Variants in ESRRG observed in about 807,000 individuals in gnomAD.
The protein encoded by ESRRG is estrogen-related receptor gamma.
In ESRRG, 13 loss-of-function variants were observed where a neutral mutation model predicts 44.0. That is an observed-to-expected ratio of 0.30 (90% CI 0.19 to 0.47). The LOEUF is 0.47. Ranked by LOEUF, ESRRG falls within the 20% of genes least tolerant of loss-of-function variation. The pLI, the probability that ESRRG is intolerant of heterozygous loss-of-function variation, is 1.00. For missense variants in ESRRG, 395 were observed against 580.6 expected (o/e 0.68, Z 3.29); for synonymous variants, 215 against 214.6 (o/e 1.00, Z -0.02).
intron 2 of ESRRG, among the ~76,000 whole-genome samples, chr1:216,812,924 G>A (rs2095022214): frequency 6.6e-6 from 1 of 152,200 alleles, no homozygotes; most frequent in Admixed American, 6.5e-5. Flanking sequence ...AATGAGGACA[G>A]AAGGGGTTCC....
upstream of ESRRG, among the ~76,000 whole-genome samples, chr1:216,725,812 G>A (rs1016545312): frequency 2.6e-5 from 4 of 152,060 alleles, no homozygotes; most frequent in South Asian, 2.1e-4. Context: ...AATGCATTCC[G>A]ATTTTGCACC....
intron 1 of ESRRG, among the ~76,000 whole-genome samples, chr1:217,066,255 CTTTTTT>C (rs68151743): frequency 7.5e-6 from 1 of 132,498 alleles, no homozygotes; most frequent in African/African-American, 2.8e-5. Context: ...TTTTTCTTTT[CTTTTTT>C]TTTTTTTTTT....
At chr1:216,826,099 G>A (rs1244102808) in intron 2 of ESRRG, among the ~76,000 whole-genome samples, 3 of 151,626 alleles carry the variant, frequency 2.0e-5, no homozygotes, top group East Asian at 1.9e-4. Flanking sequence ...AAGATGTAAC[G>A]GACAGGCAGG....
intron 1 of ESRRG, among the ~76,000 whole-genome samples, chr1:217,088,528 G>C (rs1338499953): frequency 6.7e-6 from 1 of 148,514 alleles, no homozygotes; most frequent in Non-Finnish European, 1.5e-5. Flanking sequence ...CATGGCCACT[G>C]GTTCTGGTAC....
chr1:216,939,361 A>AAC (rs2064790145), intron 2 of ESRRG, among the ~76,000 whole-genome samples: 1 of 148,572 alleles, frequency 6.7e-6, no homozygotes, highest in African/African-American at 2.5e-5. Flanking sequence ...AAAAAAAAAA[A>AAC]AAAAAAAAAC....
intron 3 of ESRRG, among the ~76,000 whole-genome samples, chr1:216,621,275 C>G (rs995959116): frequency 6.6e-6 from 1 of 152,074 alleles, no homozygotes; most frequent in East Asian, 1.9e-4. Flanking sequence ...GAAAATTATG[C>G]CTGTCTAGTT....
chr1:216,918,197 C>A (rs2061417692), intron 2 of ESRRG, among the ~76,000 whole-genome samples: 1 of 152,110 alleles, frequency 6.6e-6, no homozygotes, highest in African/African-American at 2.4e-5. Context: ...TTGTTTACTC[C>A]TGGGAAAATT....
chr1:216,792,467 G>A (rs926754736), intron 2 of ESRRG, among the ~76,000 whole-genome samples: 1 of 152,094 alleles, frequency 6.6e-6, no homozygotes. Context: ...AGCCATCAAC[G>A]ATTGCTTCAA....
intron 2 of ESRRG, among the ~76,000 whole-genome samples, chr1:216,736,940 A>C (rs1476343840): frequency 2.6e-5 from 4 of 152,198 alleles, no homozygotes; most frequent in Admixed American, 2.6e-4. Flanking sequence ...TTTTATTAAA[A>C]ATAAATGGCT....
chr1:216,752,215 C>T (rs1210300264), intron 2 of ESRRG, among the ~76,000 whole-genome samples: 1 of 152,050 alleles, frequency 6.6e-6, no homozygotes, highest in African/African-American at 2.4e-5. Flanking sequence ...AAAAAATGTA[C>T]AATTTTTCCT....
At chr1:216,579,160 T>C (rs1313897764) in intron 3 of ESRRG, among the ~76,000 whole-genome samples, 1 of 152,160 alleles carries the variant, frequency 6.6e-6, no homozygotes, top group Admixed American at 6.5e-5. Flanking sequence ...TTCAGTAAGA[T>C]GACTATAAAT....
intron 1 of ESRRG, chr1:216,707,607 G>A: frequency 1.0e-6 from 1 of 967,806 alleles, no homozygotes; most frequent in Non-Finnish European, 1.5e-6. Context: ...TTACATTGGA[G>A]ACTTAGGTAT....
rs11572841 is a variant in ESRRG, at chr1:216,503,501, T to TTTA, written c.*3435_*3437dup. ...GCCCATCTACAGCTATAGACATGGT[T>TTTA]TTATTATTATTATTATTATTTTTAC... is the stretch of plus-strand genomic sequence containing the variant. On this transcript the variant is annotated 3_prime_UTR_variant, in exon 7 of 7. Transcript: ENST00000408911. 0.069 allele frequency: 10,486 copies of TTTA among 152,098 alleles called. 1,100 individuals are homozygous for TTTA. The highest frequency in any genetic ancestry group is 0.23 in the African/African-American group (9,366 of 41,242). 9.4% of individuals were successfully genotyped at this position (152,098 alleles called of 1,614,324 possible). A position where few individuals can be genotyped will look rare whatever the true frequency, so the allele number is the denominator to read the frequency against.
At chr1:217,125,765 G>A (rs1223062319) in intron 1 of ESRRG, among the ~76,000 whole-genome samples, 1 of 151,914 alleles carries the variant, frequency 6.6e-6, no homozygotes, top group Non-Finnish European at 1.5e-5. Flanking sequence ...AAAATATGTT[G>A]GTATTTATTA....
chr1:216,924,592 C>T (rs1008599054), intron 2 of ESRRG, among the ~76,000 whole-genome samples: 1 of 152,156 alleles, frequency 6.6e-6, no homozygotes, highest in Admixed American at 6.5e-5. Flanking sequence ...GAGTTTTGTC[C>T]ACAGGGAAAA....
At chr1:216,771,587 C>T (rs147951528) in intron 2 of ESRRG, among the ~76,000 whole-genome samples, 1 of 151,864 alleles carries the variant, frequency 6.6e-6, no homozygotes, top group Admixed American at 6.6e-5. Flanking sequence ...AAGATTCCTG[C>T]CATGGGAAAA....
chr1:216,943,509 A>G (rs551320991), intron 1 of ESRRG, among the ~76,000 whole-genome samples: 1 of 152,352 alleles, frequency 6.6e-6, no homozygotes, highest in East Asian at 1.9e-4. Context: ...ACATGGTAGC[A>G]TGACAGTGGA....
At chr1:216,578,728 A>T (rs1477147783) in intron 3 of ESRRG, among the ~76,000 whole-genome samples, 2 of 152,150 alleles carry the variant, frequency 1.3e-5, no homozygotes, top group Non-Finnish European at 2.9e-5. Context: ...AAAAAACAGC[A>T]GAGATTACGA....
At chr1:216,826,030 A>G (rs1320822322) in intron 2 of ESRRG, among the ~76,000 whole-genome samples, 2 of 152,082 alleles carry the variant, frequency 1.3e-5, no homozygotes, top group African/African-American at 4.8e-5. Context: ...AGTTGCTTGT[A>G]TTTTCTTTGC....
Sources: allele counts gnomAD v4.1 joint callset (sites outside exome capture counted in the v4.1 genomes callset), GRCh38; gene constraint gnomAD v4.1.1; transcripts MANE v1.5; gene names NCBI Gene and HGNC (gene_info 2026-07-23, HGNC 2026-07-21).